The following ZNF503 variants were observed in gnomAD, a reference collection of about 807,000 sequenced individuals.
ZNF503 encodes the protein NocA-like zinc finger 2.
Under a neutral mutation model 34.4 loss-of-function variants are expected in ZNF503, and 15 were observed. The observed-to-expected ratio is 0.44, with a 90% CI of 0.29 to 0.67. The LOEUF (loss-of-function observed/expected upper bound fraction) is 0.67. Among genes scored for constraint, ZNF503 ranks in the 30% least tolerant of loss-of-function variants. The probability of loss-of-function intolerance (pLI) is 0.13; values close to 1 mark genes in which losing one functional copy is unlikely to be tolerated. For synonymous variants in ZNF503, 580 were observed against 456.8 expected (o/e 1.27, Z -3.44); for missense variants, 1,007 against 926.8 (o/e 1.09, Z -1.12).
At position 75,400,084 on chromosome 10, in the gene ZNF503, G is replaced by A. The variant is rs1341745666; in HGVS notation, c.606C>T (p.Gly202=). 2.8e-5 allele frequency: 19 copies of A among 679,054 alleles called. No homozygotes were observed. Among genetic ancestry groups the A allele is most frequent in the Non-Finnish European group, 3.9e-5 (19 of 485,622 alleles). 42.1% of individuals were successfully genotyped at this position (679,054 alleles called of 1,614,324 possible). Residue 202 remains glycine (G), a synonymous_variant, in exon 2 of 2, where the codon GGC becomes GGT. Transcript: ENST00000372524. ...GGGGGGGGGG[G]GGVSSEKSGF... ...CCGACTTCTCCGACGAAACACCCCCGCCGCCGCCCCCGCCACCGCCACCGC... is the reference window on the plus strand; with the variant it reads ...CCGACTTCTCCGACGAAACACCCCCACCGCCGCCCCCGCCACCGCCACCGC...
At chr10:75,368,752 G>T in the ZNF503 span, among the ~76,000 whole-genome samples, 4 of 152,322 alleles carry the variant, frequency 2.6e-5, no homozygotes, top group African/African-American at 9.6e-5. Flanking sequence ...GGAAATCCAG[G>T]AGATATGCAT....
At chr10:75,349,920 G>A in the ZNF503 span, among the ~76,000 whole-genome samples, 85 of 152,232 alleles carry the variant, frequency 5.6e-4, no homozygotes, top group Non-Finnish European at 9.3e-4. Context: ...ATATACATCT[G>A]TGGGCCCTGC....
the ZNF503 span, among the ~76,000 whole-genome samples, chr10:75,284,697 G>C: frequency 1.3e-5 from 2 of 152,116 alleles, no homozygotes; most frequent in Non-Finnish European, 2.9e-5. Context: ...TCACCACCAG[G>C]TGGATGTAGT....
chr10:75,359,110 T>A, the ZNF503 span: 2 of 152,148 alleles, frequency 1.3e-5, no homozygotes, highest in Admixed American at 1.3e-4. Context: ...AGCTCATAAA[T>A]CCTGCCCCAA....
Position 75,399,560 on chromosome 10 carries a change from T to C in ZNF503, c.1130A>G (p.His377Arg). The change falls in exon 2 of 2, where the codon CAC becomes CGC. Residue 377 changes from histidine (H) to arginine (R), a missense_variant. By Grantham distance (29) the His-to-Arg change is conservative (BLOSUM62 0). Transcript: ENST00000372524. The part of the protein sequence containing the change: ...YAGYPPQFLP[H>R]GVALDPTKPG... ...CTTGGTGGGGTCAAGTGCCACGCCG[T>C]GTGGCAGGAACTGGGGCGGGTAGCC... 12 of 1,595,650 alleles carry C rather than the reference T, an allele frequency of 7.5e-6. No homozygotes were observed. The highest frequency in any genetic ancestry group is 1.0e-5 in the Non-Finnish European group (12 of 1,178,778).
the ZNF503 span, among the ~76,000 whole-genome samples, chr10:75,347,025 C>T: frequency 6.6e-6 from 1 of 152,116 alleles, no homozygotes; most frequent in African/African-American, 2.4e-5. Context: ...ATTTACTTCT[C>T]TTATGCCTCT....
chr10:75,309,079 A>T, the ZNF503 span, among the ~76,000 whole-genome samples: 1 of 152,132 alleles, frequency 6.6e-6, no homozygotes, highest in Admixed American at 6.5e-5. Context: ...CCTGAGTTCA[A>T]GTGATCCGCC....
rs766286786 is a variant in ZNF503, at chr10:75,399,966, G to A, written c.724C>T (p.Leu242=). The change falls in exon 2 of 2, where the codon CTG becomes TTG. Residue 242 remains leucine, a synonymous_variant. Coordinates refer to ENST00000372524, the MANE Select transcript of ZNF503 (RefSeq NM_032772.6). ...TCCGGGGCACCCCCGGCCGAGGACA[G>A]CATACCTCCCGGCGAGCAGGCCGAG... The part of the protein sequence containing the change: ...SASACSPGGM[L]SSAGGAPEGK... 37 of 1,606,660 alleles carry A rather than the reference G, an allele frequency of 2.3e-5. No individual in the cohort carries two copies. The highest frequency in any genetic ancestry group is 3.3e-4 in the Middle Eastern group (2 of 6,054).
the ZNF503 span, among the ~76,000 whole-genome samples, chr10:75,336,884 T>C: frequency 6.6e-6 from 1 of 152,230 alleles, no homozygotes; most frequent in African/African-American, 2.4e-5. Flanking sequence ...CAACAGAGAA[T>C]TCCCATGCAT....
chr10:75,380,591 T>C, the ZNF503 span, among the ~76,000 whole-genome samples: 1 of 152,202 alleles, frequency 6.6e-6, no homozygotes. Context: ...TGAGAAGCAC[T>C]GAGGCCAGGT....
At chr10:75,295,160 C>T in the ZNF503 span, among the ~76,000 whole-genome samples, 2 of 151,748 alleles carry the variant, frequency 1.3e-5, no homozygotes, top group Non-Finnish European at 2.9e-5. The surrounding 1 kb of genome is among the most constrained non-coding windows in gnomAD (Gnocchi z 4.0). Context: ...TCACGCCGGG[C>T]CCGCGACTCC....
the ZNF503 span, among the ~76,000 whole-genome samples, chr10:75,377,031 T>C: frequency 6.6e-6 from 1 of 152,190 alleles, no homozygotes; most frequent in Non-Finnish European, 1.5e-5. Flanking sequence ...ACCAGCAACA[T>C]CAGCATCACC....
the ZNF503 span, among the ~76,000 whole-genome samples, chr10:75,391,978 G>A: frequency 2.6e-5 from 4 of 152,118 alleles, no homozygotes; most frequent in African/African-American, 9.7e-5. Flanking sequence ...CATTAAATCC[G>A]ATAAAAAGGG....
chr10:75,317,264 C>CTTTT, the ZNF503 span, among the ~76,000 whole-genome samples: 70 of 74,772 alleles, frequency 9.4e-4, 1 homozygote, highest in East Asian at 6.3e-3. Context: ...CATCCCACGT[C>CTTTT]TTTTTTTTTT....
In ZNF503 at chr10:75,398,496, T is replaced by TAA. The variant is rs1043595633; in HGVS notation, c.*251_*252dup. 7.9e-6 allele frequency: 3 copies of TAA among 381,030 alleles called. No individual in the cohort carries two copies. Among genetic ancestry groups the TAA allele is most frequent in the African/African-American group, 2.1e-5 (1 of 48,248 alleles). 23.6% of individuals were successfully genotyped at this position (381,030 alleles called of 1,614,324 possible). On this transcript the variant is annotated 3_prime_UTR_variant, in exon 2 of 2. Transcript: ENST00000372524. ...AATTATTTTTTCCTTTTTTTTTCTA[T>TAA]AAAAAGTCAAATGATATTTTTTCAA...
chr10:75,288,106 A>G, the ZNF503 span, among the ~76,000 whole-genome samples: 4 of 152,264 alleles, frequency 2.6e-5, no homozygotes, highest in African/African-American at 7.2e-5. Flanking sequence ...ACTGAGTTCA[A>G]ACACAGATGA....
chr10:75,334,286 A>G, the ZNF503 span, among the ~76,000 whole-genome samples: 1 of 152,214 alleles, frequency 6.6e-6, no homozygotes, highest in Non-Finnish European at 1.5e-5. Flanking sequence ...TTAACAACAT[A>G]TTTAAGTTCT....
the ZNF503 span, among the ~76,000 whole-genome samples, chr10:75,376,743 A>G: frequency 2.0e-5 from 3 of 152,144 alleles, no homozygotes; most frequent in Non-Finnish European, 4.4e-5. Context: ...GGCCTCAGGA[A>G]TCTTACAATC....
the ZNF503 span, among the ~76,000 whole-genome samples, chr10:75,292,989 C>T: frequency 6.6e-6 from 1 of 152,328 alleles, no homozygotes; most frequent in East Asian, 1.9e-4. Context: ...CCACCTGTGG[C>T]TGAGTTCAGA....
Sources: allele counts gnomAD v4.1 joint callset (sites outside exome capture counted in the v4.1 genomes callset), GRCh38; gene constraint gnomAD v4.1.1; non-coding constraint Gnocchi (gnomAD v3.1); transcripts MANE v1.5; gene names NCBI Gene and HGNC (gene_info 2026-07-23, HGNC 2026-07-21).